The following GRM8 variants were observed in gnomAD, a reference collection of about 807,000 sequenced individuals.
The protein encoded by GRM8 is metabotropic glutamate receptor 8.
In GRM8, 47 loss-of-function variants were observed where a neutral mutation model predicts 87.2. The ratio of observed to expected loss-of-function variants is 0.54; its 90% confidence interval spans 0.43 to 0.69. The LOEUF (loss-of-function observed/expected upper bound fraction) is 0.69, where lower values mean the gene tolerates loss of function less well. Among genes scored for constraint, GRM8 ranks in the 30% least tolerant of loss-of-function variants. GRM8 has a pLI of 0.00. For missense variants in GRM8, 1,019 were observed against 1,139.2 expected (o/e 0.89, Z 1.52); for synonymous variants, 396 against 404.5 (o/e 0.98, Z 0.25).
chr7:126,665,818 G>A (rs1046078989), intron 7 of GRM8, among the ~76,000 whole-genome samples: 1 of 152,016 alleles, frequency 6.6e-6, no homozygotes, highest in African/African-American at 2.4e-5. Context: ...GACAAATTAT[G>A]TAGTCATCTT....
chr7:126,862,612 G>T (rs1466755763), intron 6 of GRM8, among the ~76,000 whole-genome samples: 1 of 151,940 alleles, frequency 6.6e-6, no homozygotes, highest in Non-Finnish European at 1.5e-5. Context: ...GTGGAAGAAA[G>T]CAGCATTTTT....
rs202216149 is a variant in GRM8 at position 127,139,672 on chromosome 7, CT to C, written c.511-32961del. Among the ~76,000 whole-genome samples, 1,049 of 152,150 alleles carry C rather than the reference CT, an allele frequency of 6.9e-3. 13 individuals carry two copies. The highest frequency in any genetic ancestry group is 0.024 in the African/African-American group (979 of 41,478). On this transcript the variant is annotated intron_variant, in intron 2 of 10. Transcript: ENST00000339582. ...CAAGTACATCATTACGATTGTTTTCCTTTATCTGCACTAAATCTCTGTAGCT... is the reference window on the plus strand; with the variant it reads ...CAAGTACATCATTACGATTGTTTTCCTTATCTGCACTAAATCTCTGTAGCT...
chr7:126,446,230 G>A lies in GRM8; in HGVS notation c.2573C>T (p.Ala858Val). 6.2e-7 allele frequency: 1 copy of A among 1,613,030 alleles called. No individual in the cohort carries two copies. Among genetic ancestry groups the A allele is most frequent in the Non-Finnish European group, 8.5e-7 (1 of 1,179,364 alleles). The stretch of plus-strand genomic sequence containing the variant: ...TTGCATGGTGGCAGCTGTCACCACA[G>A]CCTTGAAGCTCCTCTTGCGTTTTTG... ...NVQKRKRSFKAVVTAATMQSK... is the reference protein window; with the variant it reads ...NVQKRKRSFKVVVTAATMQSK... The change falls in exon 10 of 11, where the codon GCT becomes GTT. Residue 858 changes from alanine (A) to valine (V), a missense_variant. Physicochemically the swap from Ala to Val is moderately conservative, Grantham distance 64 (BLOSUM62 0). Coordinates refer to ENST00000339582, the MANE Select transcript of GRM8 (RefSeq NM_000845.3).
intron 2 of GRM8, among the ~76,000 whole-genome samples, chr7:127,205,719 T>C (rs17865206): frequency 0.023 from 3,567 of 152,260 alleles, 129 homozygotes; most frequent in African/African-American, 0.08. Context: ...AATATTACAG[T>C]TGGTTACCTC....
intron 7 of GRM8, among the ~76,000 whole-genome samples, chr7:126,719,616 C>G (rs1812151258): frequency 1.3e-5 from 2 of 152,104 alleles, no homozygotes; most frequent in Non-Finnish European, 2.9e-5. Context: ...ACCACGACAC[C>G]TTACAGAGGT....
intron 1 of GRM8, among the ~76,000 whole-genome samples, chr7:127,245,384 G>A (rs1798532876): frequency 6.6e-6 from 1 of 152,154 alleles, no homozygotes; most frequent in Non-Finnish European, 1.5e-5. Context: ...GGAGTGGATG[G>A]GTCTTGGGAC....
intron 2 of GRM8, among the ~76,000 whole-genome samples, chr7:127,240,487 C>T (rs894781363): frequency 6.6e-6 from 1 of 151,792 alleles, no homozygotes; most frequent in African/African-American, 2.4e-5. Flanking sequence ...ATCTCCTCCA[C>T]CACACTCCTC....
At chr7:126,831,769 T>G (rs917202475) in intron 6 of GRM8, among the ~76,000 whole-genome samples, 6 of 152,130 alleles carry the variant, frequency 3.9e-5, no homozygotes, top group Non-Finnish European at 7.3e-5. Context: ...AAATCACCTG[T>G]CTTCTGCATG....
At chr7:126,686,602 C>A (rs539105522) in intron 7 of GRM8, among the ~76,000 whole-genome samples, 4 of 151,566 alleles carry the variant, frequency 2.6e-5, no homozygotes, top group Non-Finnish European at 5.9e-5. Context: ...CACACTGGCA[C>A]CTGGAACTGC....
chr7:126,944,078 T>C (rs1807264374), intron 3 of GRM8, among the ~76,000 whole-genome samples: 1 of 152,334 alleles, frequency 6.6e-6, no homozygotes, highest in Non-Finnish European at 1.5e-5. Flanking sequence ...ATCAGTACTA[T>C]AGCCAAGAGA....
chr7:127,115,432 C>T (rs1826643781), intron 2 of GRM8, among the ~76,000 whole-genome samples: 1 of 152,168 alleles, frequency 6.6e-6, no homozygotes, highest in African/African-American at 2.4e-5. Context: ...GATTTGGCTA[C>T]TGAAAATCCC....
chr7:127,113,982 C>T (rs1826546033), intron 2 of GRM8, among the ~76,000 whole-genome samples: 1 of 152,024 alleles, frequency 6.6e-6, no homozygotes, highest in South Asian at 2.1e-4. Context: ...TTCATGAAAA[C>T]AGGCTAAGGA....
At chr7:126,463,061 G>A (rs1804067585) in intron 9 of GRM8, among the ~76,000 whole-genome samples, 1 of 147,522 alleles carries the variant, frequency 6.8e-6, no homozygotes, top group African/African-American at 2.7e-5. Flanking sequence ...TATATAATGT[G>A]AACAAGATGA....
At chr7:126,871,633 C>T (rs1799106502) in intron 6 of GRM8, among the ~76,000 whole-genome samples, 1 of 152,114 alleles carries the variant, frequency 6.6e-6, no homozygotes, top group African/African-American at 2.4e-5. Context: ...TTTTATTTTA[C>T]TTTGTTCTCT....
At chr7:127,056,337 A>C (rs1175953002) in intron 3 of GRM8, among the ~76,000 whole-genome samples, 1 of 152,228 alleles carries the variant, frequency 6.6e-6, no homozygotes, top group Non-Finnish European at 1.5e-5. Context: ...GCAGGAGATC[A>C]CACAAACAGG....
At chr7:126,729,668 A>C (rs758611753) in intron 7 of GRM8, among the ~76,000 whole-genome samples, 33 of 152,140 alleles carry the variant, frequency 2.2e-4, no homozygotes, top group Non-Finnish European at 4.7e-4. Context: ...CTAGCCCTAA[A>C]TGAAGTGACT....
intron 8 of GRM8, among the ~76,000 whole-genome samples, chr7:126,579,993 A>G (rs772424240): frequency 6.6e-6 from 1 of 152,020 alleles, no homozygotes; most frequent in Non-Finnish European, 1.5e-5. Context: ...CTTATCCCAT[A>G]TGAAAAAAAA....
intron 7 of GRM8, among the ~76,000 whole-genome samples, chr7:126,693,885 C>A (rs2151378423): frequency 6.6e-6 from 1 of 152,074 alleles, no homozygotes; most frequent in African/African-American, 2.4e-5. Flanking sequence ...TTTATTACAT[C>A]TAAGTCTTAA....
chr7:126,825,061 A>G (rs1794633312), intron 6 of GRM8, among the ~76,000 whole-genome samples: 1 of 152,142 alleles, frequency 6.6e-6, no homozygotes, highest in Non-Finnish European at 1.5e-5. Context: ...GTATCCAAAC[A>G]TGTACTTTTT....
Sources: gnomAD v4.1 joint callset for allele counts (sites outside exome capture counted in the v4.1 genomes callset) on GRCh38, gnomAD v4.1.1 for gene constraint, MANE v1.5 for transcripts, NCBI Gene and HGNC (gene_info 2026-07-23, HGNC 2026-07-21) for gene names.